GPCPD1: variants seen among roughly 807,000 people sequenced by gnomAD.
GPCPD1 encodes glycerophosphocholine phosphodiesterase GPCPD1.
In GPCPD1, 29 loss-of-function variants were observed where a neutral mutation model predicts 89.2. The ratio of observed to expected loss-of-function variants is 0.33; its 90% CI spans 0.24 to 0.44. The LOEUF (loss-of-function observed/expected upper bound fraction) is 0.44, where lower values mean the gene tolerates loss of function less well. Ranked by LOEUF, GPCPD1 falls within the 20% of genes least tolerant of loss-of-function variation. The pLI is 1.00. For synonymous variants in GPCPD1, 258 were observed against 266.3 expected, an observed-to-expected ratio of 0.97 and a Z score of 0.30; for missense variants, 594 against 808.9, an observed-to-expected ratio of 0.73 and a Z score of 3.22.
chr20:5,563,397 G>A (rs1476137897), intron 15 of GPCPD1, among the ~76,000 whole-genome samples: 1 of 152,042 alleles, frequency 6.6e-6, no homozygotes, highest in Non-Finnish European at 1.5e-5. Flanking sequence ...TTTTTTTCCT[G>A]GGAATCATGA....
At chr20:5,550,975 A>C (rs1005390430) in intron 19 of GPCPD1, among the ~76,000 whole-genome samples, 2 of 152,166 alleles carry the variant, frequency 1.3e-5, no homozygotes, top group African/African-American at 4.8e-5. Context: ...AGACACTGTC[A>C]CTCTAGCAGC....
intron 19 of GPCPD1, among the ~76,000 whole-genome samples, chr20:5,552,565 T>G (rs190781641): frequency 6.6e-6 from 1 of 152,236 alleles, no homozygotes; most frequent in Admixed American, 6.5e-5. Flanking sequence ...CAGAAAATAT[T>G]TGTAATCATT....
intron 17 of GPCPD1, among the ~76,000 whole-genome samples, chr20:5,559,053 A>G (rs950584776): frequency 6.6e-6 from 1 of 151,996 alleles, no homozygotes; most frequent in Non-Finnish European, 1.5e-5. Flanking sequence ...AAATACAAAA[A>G]TTAGCCGAGT....
chr20:5,571,685 G>C (rs1986726832), intron 11 of GPCPD1, among the ~76,000 whole-genome samples: 1 of 152,198 alleles, frequency 6.6e-6, no homozygotes, highest in Non-Finnish European at 1.5e-5. Context: ...GAGGCAGTCA[G>C]ATCACCTGAG....
At chr20:5,548,663 C>T (rs1231591163) in intron 19 of GPCPD1, among the ~76,000 whole-genome samples, 6 of 152,068 alleles carry the variant, frequency 3.9e-5, no homozygotes, top group Non-Finnish European at 4.4e-5. Flanking sequence ...CAATAAAATC[C>T]GTAAGTAAGA....
At chr20:5,566,619 C>A (rs1373243625) in intron 14 of GPCPD1, 114 bp downstream of exon 14, 6 of 664,930 alleles carry the variant, frequency 9.0e-6, no homozygotes, top group South Asian at 1.8e-5. Context: ...TTTAGAAGGC[C>A]CAGTATTATA....
Position 5,598,808 on chromosome 20 carries a change from C to T in GPCPD1, c.63G>A (p.Ala21=), listed in dbSNP as rs142917605. The part of the protein sequence containing the change: ...RGTLLPGEVF[A]ICGSCDALGN... ...CCAAAGCATCACAGCTTCCACATAT[C>T]GCAAAAACTTCTCCTAAAGAAACAG... Residue 21 remains alanine, a synonymous_variant, in exon 3 of 20, where the codon GCG becomes GCA. Coordinates refer to ENST00000379019, the MANE Select transcript of GPCPD1 (RefSeq NM_019593.5). The T allele has an allele frequency of 4.1e-4, 659 of 1,607,582 alleles. No homozygotes were observed. Among genetic ancestry groups the T allele is most frequent in the African/African-American group, 6.3e-4 (47 of 74,880 alleles).
chr20:5,604,511 C>T (rs750994051), intron 1 of GPCPD1, 71 bp from the exon 2 acceptor site: 1 of 671,970 alleles, frequency 1.5e-6, no homozygotes, highest in Non-Finnish European at 2.6e-6. Flanking sequence ...CAAGAAACAA[C>T]TTCAACCAAG....
intron 3 of GPCPD1, among the ~76,000 whole-genome samples, chr20:5,594,376 G>A (rs1185823735): frequency 4.0e-5 from 6 of 151,466 alleles, no homozygotes; most frequent in African/African-American, 9.7e-5. Flanking sequence ...TGCAAGCTCC[G>A]CCTCCCGGGT....
In GPCPD1 at chr20:5,545,222, A is replaced by G. The variant is rs1247364659; in HGVS notation, c.*2439T>C. 2 of 152,216 alleles carry G rather than the reference A, an allele frequency of 1.3e-5. No individual in the cohort carries two copies. The highest frequency in any genetic ancestry group is 2.9e-5 in the Non-Finnish European group (2 of 68,034). 9.4% of individuals were successfully genotyped at this position (152,216 alleles called of 1,614,324 possible). On this transcript the variant is annotated 3_prime_UTR_variant, in exon 20 of 20. Coordinates refer to ENST00000379019, the MANE Select transcript of GPCPD1 (RefSeq NM_019593.5). ...TAAACATAACTAAATCTCTTAATTC[A>G]AAAGGACATTTGATACAAATTATAT...
chr20:5,607,517 G>T (rs1297439400), intron 1 of GPCPD1, among the ~76,000 whole-genome samples: 1 of 151,946 alleles, frequency 6.6e-6, no homozygotes, highest in Admixed American at 6.6e-5. Flanking sequence ...GGTGGAGGTT[G>T]TGGTAAGCCG....
At chr20:5,610,414 CAG>C (rs1418856555) in intron 1 of GPCPD1, among the ~76,000 whole-genome samples, 5 of 152,076 alleles carry the variant, frequency 3.3e-5, no homozygotes, top group African/African-American at 9.7e-5. Context: ...AACTTAGGGA[CAG>C]AGAGCGGCGG....
rs943537997 is a variant in GPCPD1 at position 5,548,877 on chromosome 20, C to A, written c.1830-1027G>T. On this transcript the variant is annotated intron_variant, in intron 19 of 19. Coordinates refer to ENST00000379019, the MANE Select transcript of GPCPD1 (RefSeq NM_019593.5). ...GAAACCACCCCTACTCCTAATCCCC[C>A]TGTGAAGAGGAGAAAACAGAATCTA... 1.8e-5 allele frequency: 18 copies of A among 1,009,718 alleles called. No homozygotes were observed. In the African/African-American group the frequency reaches 2.6e-4, roughly 15 times the overall value. The allele number at this position is 1,009,718 out of a possible 1,614,324, so 62.5% of individuals were successfully genotyped here. A position where few individuals can be genotyped will look rare whatever the true frequency, so the allele number is the denominator to read the frequency against.
chr20:5,575,442 T>G lies in GPCPD1; in HGVS notation c.972A>C (p.Arg324=). ...CAGTTGTTGTAGAGTTTCCTGCACC[T>G]CGATGGCCAACATCCAATGGTATTC... The part of the protein sequence containing the change: ...KPRIPLDVGH[R]GAGNSTTTAQ... Residue 324 remains arginine, a synonymous_variant, in exon 10 of 20, where the codon CGA becomes CGC. Transcript: ENST00000379019. The G allele has an allele frequency of 6.2e-7, 1 of 1,609,878 alleles. No homozygotes were observed. The highest frequency in any genetic ancestry group is 8.5e-7 in the Non-Finnish European group (1 of 1,176,496).
chr20:5,573,515 G>C (rs147176755), intron 11 of GPCPD1, among the ~76,000 whole-genome samples: 1 of 152,290 alleles, frequency 6.6e-6, no homozygotes, highest in African/African-American at 2.4e-5. Flanking sequence ...CCTTTAGAAA[G>C]ATTTGAGCCC....
chr20:5,569,483 T>A (rs997668177), intron 12 of GPCPD1, among the ~76,000 whole-genome samples: 1 of 150,626 alleles, frequency 6.6e-6, no homozygotes, highest in African/African-American at 2.4e-5. Context: ...TGTAAGTTTT[T>A]AAATCTCATT....
Position 5,580,063 on chromosome 20 carries a change from A to C in GPCPD1, c.418T>G (p.Ser140Ala). 2 of 1,507,900 alleles carry C rather than the reference A, an allele frequency of 1.3e-6. No individual in the cohort carries two copies. Among genetic ancestry groups the C allele is most frequent in the Non-Finnish European group, 1.8e-6 (2 of 1,083,670 alleles). The allele number at this position is 1,507,900 out of a possible 1,614,324, so 93.4% of individuals were successfully genotyped here. A position where few individuals can be genotyped will look rare whatever the true frequency, so the allele number is the denominator to read the frequency against. ...QTEIRLRLHY[S>A]EKPPVSITKK... ...GTTATTGACACAGGAGGTTTTTCAG[A>C]ATAATGCAAACGTAATCTTATTTCA... The change falls in exon 7 of 20, where the codon TCT becomes GCT. Residue 140 changes from serine to alanine, a missense_variant. Coordinates refer to ENST00000379019, the MANE Select transcript of GPCPD1 (RefSeq NM_019593.5).
intron 5 of GPCPD1, chr20:5,585,206 G>A (rs1000818703): frequency 6.6e-6 from 1 of 151,796 alleles, no homozygotes; most frequent in African/African-American, 2.4e-5. Context: ...CCTCAGTATG[G>A]GAATATTATA....
intron 16 of GPCPD1, among the ~76,000 whole-genome samples, chr20:5,560,487 T>A (rs1986023913): frequency 6.6e-6 from 1 of 152,192 alleles, no homozygotes. Flanking sequence ...AGTTTAAAAG[T>A]CTCATTCTTT....
Sources: allele counts gnomAD v4.1 joint callset (sites outside exome capture counted in the v4.1 genomes callset), GRCh38; gene constraint gnomAD v4.1.1; transcripts MANE v1.5; gene names NCBI Gene and HGNC (gene_info 2026-07-23, HGNC 2026-07-21).